Variants in UMODL1 observed in about 807,000 individuals in gnomAD.
UMODL1 encodes the protein uromodulin like 1, also known as uromodulin-like 1.
In UMODL1, 128 loss-of-function variants were observed where a neutral mutation model predicts 136.3. The ratio of observed to expected loss-of-function variants is 0.94; its 90% CI spans 0.81 to 1.09. The LOEUF (loss-of-function observed/expected upper bound fraction) is 1.09, where lower values mean the gene tolerates loss of function less well. UMODL1 is among the 50% of genes least tolerant of loss of function. UMODL1 has a pLI of 0.00. For missense variants in UMODL1, 1,766 were observed against 1,725.6 expected (o/e 1.02, Z -0.41); for synonymous variants, 721 against 720.0 (o/e 1.00, Z -0.02).
At chr21:42,068,316 A>G (rs2146406612), upstream of UMODL1, among the ~76,000 whole-genome samples, 1 of 152,108 alleles carries the variant, frequency 6.6e-6, no homozygotes, top group African/African-American at 2.4e-5. This position sits in a 1 kb window ranked among gnomAD's most constrained non-coding sequence, Gnocchi z 5.5. Flanking sequence ...TGAGTGAGAG[A>G]GGGGTGAGGC....
chr21:42,119,042 A>AC, intron 14 of UMODL1, 69 bp from the exon 15 acceptor site: 1 of 1,524,596 alleles, frequency 6.6e-7, no homozygotes, highest in Non-Finnish European at 8.9e-7. Flanking sequence ...GGCAGGAGGA[A>AC]CCGCCTTGAG....
At chr21:42,068,060 C>T (rs1363441471), upstream of UMODL1, among the ~76,000 whole-genome samples, 1 of 152,104 alleles carries the variant, frequency 6.6e-6, no homozygotes, top group Non-Finnish European at 1.5e-5. This position sits in a 1 kb window ranked among gnomAD's most constrained non-coding sequence, Gnocchi z 5.5. Context: ...CCGAAGGCTG[C>T]CACATGGAGG....
intron 1 of UMODL1, among the ~76,000 whole-genome samples, chr21:42,063,558 C>T (rs560119445): frequency 2.0e-5 from 3 of 152,328 alleles, no homozygotes; most frequent in Non-Finnish European, 4.4e-5. Flanking sequence ...TCCTCCTGAG[C>T]GATGCCTTAG....
intron 4 of UMODL1, 83 bp from the exon 5 acceptor site, chr21:42,088,210 AT>A (rs2066447780): frequency 4.1e-6 from 6 of 1,458,866 alleles, no homozygotes; most frequent in Middle Eastern, 2.5e-4. Flanking sequence ...TGGACAGTTC[AT>A]TTCAGCTCTG....
At position 42,113,683 on chromosome 21, in the gene UMODL1, T is replaced by G. The variant is rs1298297495; in HGVS notation, c.2215T>G (p.Ser739Ala). Residue 739 changes from serine to alanine, a missense_variant, in exon 13 of 23, where the codon TCC becomes GCC. Coordinates refer to ENST00000408910, the MANE Select transcript of UMODL1 (RefSeq NM_001004416.3). Reference protein sequence around the residue: ...MDSTFQLTLTSMWSPAVVLET... With the variant: ...MDSTFQLTLTAMWSPAVVLET... ...CTCCACCTTCCAGCTCACTCTGACT[T>G]CCATGTGGAGCCCTGCTGTGGTCCT... 1.9e-6 allele frequency: 3 copies of G among 1,614,004 alleles called. No homozygotes were observed. Among genetic ancestry groups the G allele is most frequent in the Non-Finnish European group, 2.5e-6 (3 of 1,180,020 alleles).
chr21:42,103,751 C>T (rs1269183471), intron 8 of UMODL1, 117 bp from the exon 9 acceptor site: 1 of 1,255,222 alleles, frequency 8.0e-7, no homozygotes, highest in South Asian at 1.2e-5. Context: ...CAGGTGCCTC[C>T]TCTTGATTGT....
At chr21:42,087,141 C>T (rs1369289963) in intron 4 of UMODL1, among the ~76,000 whole-genome samples, 2 of 152,152 alleles carry the variant, frequency 1.3e-5, no homozygotes, top group Non-Finnish European at 2.9e-5. Flanking sequence ...CACCTGCTGT[C>T]TCCTCGTGCA....
chr21:42,075,781 C>T (rs2066283022), intron 1 of UMODL1, among the ~76,000 whole-genome samples: 1 of 152,254 alleles, frequency 6.6e-6, no homozygotes, highest in African/African-American at 2.4e-5. Context: ...GCAGGCCAGG[C>T]TACGTTTATG....
At chr21:42,081,701 C>G (rs571890039) in intron 2 of UMODL1, among the ~76,000 whole-genome samples, 1 of 152,252 alleles carries the variant, frequency 6.6e-6, no homozygotes, top group Admixed American at 6.5e-5. Flanking sequence ...TCCTGTACCC[C>G]CCAACCCAGC....
Position 42,142,814 on chromosome 21 carries a change from C to G in UMODL1, c.*740C>G, listed in dbSNP as rs2123421652. The G allele has an allele frequency of 6.6e-6, 1 of 152,268 alleles. No individual in the cohort carries two copies. Among genetic ancestry groups the G allele is most frequent in the South Asian group, 2.1e-4 (1 of 4,826 alleles). 9.4% of individuals were successfully genotyped at this position (152,268 alleles called of 1,614,324 possible). A position where few individuals can be genotyped will look rare whatever the true frequency, so the allele number is the denominator to read the frequency against. On this transcript the variant is annotated 3_prime_UTR_variant, in exon 23 of 23. Coordinates refer to ENST00000408910, the MANE Select transcript of UMODL1 (RefSeq NM_001004416.3). ...GACCACAGTGGGAGGTGTGATTTACCCATTACACAATGAGAAACCAGAGGA... is the reference window on the plus strand; with the variant it reads ...GACCACAGTGGGAGGTGTGATTTACGCATTACACAATGAGAAACCAGAGGA...
upstream of UMODL1, among the ~76,000 whole-genome samples, chr21:42,070,733 G>A (rs117540732): frequency 0.013 from 2,045 of 152,318 alleles, 24 homozygotes; most frequent in South Asian, 0.028. Context: ...AGTCATAATA[G>A]GTAATGCACA....
Position 42,113,850 on chromosome 21 carries a change from T to C in UMODL1, c.2362+20T>C, listed in dbSNP as rs776138030. The stretch of plus-strand genomic sequence containing the variant: ...GGACAGGTAATGGGCTTCCATTTGT[T>C]TTTAAAGAGAGGAACAAAAAGTATG... On this transcript the variant is annotated intron_variant, in intron 13 of 22. Transcript: ENST00000408910. 1 of 1,599,762 alleles carries C rather than the reference T, an allele frequency of 6.3e-7. No individual in the cohort carries two copies. The highest frequency in any genetic ancestry group is 2.2e-5 in the East Asian group (1 of 44,644).
chr21:42,115,300 G>C (rs2066888657), intron 13 of UMODL1, among the ~76,000 whole-genome samples: 1 of 152,194 alleles, frequency 6.6e-6, no homozygotes, highest in African/African-American at 2.4e-5. Context: ...CTCTGCGGAG[G>C]GAAAAGATTC....
intron 21 of UMODL1, among the ~76,000 whole-genome samples, chr21:42,135,531 G>A (rs956605543): frequency 1.3e-5 from 2 of 152,186 alleles, no homozygotes; most frequent in Non-Finnish European, 2.9e-5. Context: ...GCAGGAGCGG[G>A]TCTCCTTGGT....
intron 9 of UMODL1, 120 bp from the exon 10 acceptor site, chr21:42,109,442 C>A (rs2066783338): frequency 7.8e-6 from 11 of 1,417,178 alleles, no homozygotes; most frequent in Non-Finnish European, 1.1e-5. Flanking sequence ...CCCAAAATGC[C>A]CCTGCTCCCG....
rs190416192 is a variant in UMODL1, at chr21:42,088,965, A to C, written c.790+485A>C. ...ACAATTTGTCTAAAGTTGAATTTGT[A>C]TCTGGCAAAGCACATAGACGTGGCC... On this transcript the variant is annotated intron_variant, in intron 5 of 22. Transcript: ENST00000408910. Among the ~76,000 whole-genome samples the C allele has an allele frequency of 3.3e-5, 5 of 152,358 alleles. No individual in the cohort carries two copies. The East Asian group carries it at 9.6e-4, about 29-fold the overall frequency.
intron 10 of UMODL1, 28 bp from the exon 11 acceptor site, chr21:42,110,852 G>C (rs1027412992): frequency 1.3e-6 from 2 of 1,570,616 alleles, no homozygotes; most frequent in Admixed American, 3.7e-5. Flanking sequence ...GGATCCAGCA[G>C]GCTCTGACAG....
At chr21:42,082,359 C>T (rs1013295558) in intron 2 of UMODL1, among the ~76,000 whole-genome samples, 1 of 152,190 alleles carries the variant, frequency 6.6e-6, no homozygotes, top group African/African-American at 2.4e-5. Context: ...GTTTTCCCCA[C>T]CCTCGCGGGG....
In UMODL1 at chr21:42,122,546, CGTGTGTGT is replaced by C. The variant is rs60399838; in HGVS notation, c.2828-280_2828-273del. On this transcript the variant is annotated intron_variant, in intron 16 of 22. Transcript: ENST00000408910. This position sits in a 1 kb window ranked among gnomAD's most constrained non-coding sequence, Gnocchi z 4.3. ...GAAATGTGCAACATGTGCATGTGTG[CGTGTGTGT>C]GTGTCTGCACGTGTGTGCGTGCGTG... Among the ~76,000 whole-genome samples the C allele has an allele frequency of 0.059, 8,945 of 151,916 alleles. 335 individuals are homozygous for C. The highest frequency in any genetic ancestry group is 0.084 in the Non-Finnish European group (5,718 of 67,910).
Sources: gnomAD v4.1 joint callset for allele counts (sites outside exome capture counted in the v4.1 genomes callset) on GRCh38, gnomAD v4.1.1 for gene constraint, Gnocchi (gnomAD v3.1) non-coding constraint, MANE v1.5 for transcripts, NCBI Gene and HGNC (gene_info 2026-07-23, HGNC 2026-07-21) for gene names.